GRIA2: variants seen among roughly 807,000 people sequenced by gnomAD.
GRIA2 encodes the protein glutamate receptor 2.
GRIA2 carries 14 observed loss-of-function variants against 97.3 expected under a neutral mutation model. That is an observed-to-expected ratio of 0.14 (90% CI 0.10 to 0.23). The LOEUF (loss-of-function observed/expected upper bound fraction) is 0.23. GRIA2 is among the 10% of genes least tolerant of loss of function. The pLI is 1.00. For synonymous variants in GRIA2, 412 were observed against 387.8 expected, an observed-to-expected ratio of 1.06 and a Z score of -0.73; for missense variants, 558 against 1,069.8, an observed-to-expected ratio of 0.52 and a Z score of 6.67.
intron 2 of GRIA2, among the ~76,000 whole-genome samples, chr4:157,241,007 A>G (rs113761578): frequency 0.033 from 5,066 of 151,954 alleles, 123 homozygotes; most frequent in Middle Eastern, 0.13. Flanking sequence ...ATGATTTCCA[A>G]TTTCATCCAT....
At position 157,361,740 on chromosome 4, in the gene GRIA2, TC is replaced by T; in HGVS notation, c.2406+617del. Reference sequence around the variant, plus strand: ...CAAGTGTGTTAGTGGGAATGACCCATCTTAAATAGAATGTAAATGCAAATAT... The same window carrying T: ...CAAGTGTGTTAGTGGGAATGACCCATTTAAATAGAATGTAAATGCAAATAT... On this transcript the variant is annotated intron_variant, in intron 14 of 15. Coordinates refer to ENST00000264426, the MANE Select transcript of GRIA2 (RefSeq NM_001083619.3). This position sits in a 1 kb window ranked among gnomAD's most constrained non-coding sequence, Gnocchi z 5.2. The T allele has an allele frequency of 1.2e-6, 1 of 868,020 alleles. No individual in the cohort carries two copies. 53.8% of individuals were successfully genotyped at this position (868,020 alleles called of 1,614,324 possible).
chr4:157,363,495 G>T lies in GRIA2; in HGVS notation c.*64G>T. On this transcript the variant is annotated 3_prime_UTR_variant, in exon 16 of 16. Transcript: ENST00000264426. ...GCTGTCAATTACAGGAAGTACTGGAGAAAATGGACGTGTTATGACTCCAGA... is the reference window on the plus strand; with the variant it reads ...GCTGTCAATTACAGGAAGTACTGGATAAAATGGACGTGTTATGACTCCAGA... 1 of 1,239,750 alleles carries T rather than the reference G, an allele frequency of 8.1e-7. No homozygotes were observed. The highest frequency in any genetic ancestry group is 1.0e-6 in the Non-Finnish European group (1 of 990,758). The allele number at this position is 1,239,750 out of a possible 1,614,324, so 76.8% of individuals were successfully genotyped here. A position where few individuals can be genotyped will look rare whatever the true frequency, so the allele number is the denominator to read the frequency against.
At chr4:157,283,205 T>C (rs1732687787) in intron 2 of GRIA2, among the ~76,000 whole-genome samples, 1 of 152,028 alleles carries the variant, frequency 6.6e-6, no homozygotes, top group African/African-American at 2.4e-5. Flanking sequence ...GAGAATGCTA[T>C]GTTGATTTAA....
chr4:157,237,142 A>G (rs886902367), intron 2 of GRIA2, among the ~76,000 whole-genome samples: 1 of 152,018 alleles, frequency 6.6e-6, no homozygotes, highest in Non-Finnish European at 1.5e-5. Context: ...TTTTGGTATT[A>G]TGTTTCCAGA....
chr4:157,354,702 C>CA (rs1736169923), intron 12 of GRIA2, among the ~76,000 whole-genome samples: 1 of 152,058 alleles, frequency 6.6e-6, no homozygotes, highest in Non-Finnish European at 1.5e-5. Flanking sequence ...GTTATAGCAG[C>CA]AAAAATGAAG....
intron 6 of GRIA2, among the ~76,000 whole-genome samples, chr4:157,323,899 C>A (rs2126912029): frequency 6.6e-6 from 1 of 152,164 alleles, no homozygotes; most frequent in African/African-American, 2.4e-5. Flanking sequence ...TGGCTTCTGC[C>A]CATTTTCAGA....
intron 2 of GRIA2, among the ~76,000 whole-genome samples, chr4:157,275,948 C>T (rs916750201): frequency 6.6e-6 from 1 of 152,080 alleles, no homozygotes; most frequent in Admixed American, 6.6e-5. Flanking sequence ...TATTAATTAC[C>T]TTGGGCAGTA....
chr4:157,348,325 C>T (rs535541435), intron 12 of GRIA2, among the ~76,000 whole-genome samples: 1 of 152,054 alleles, frequency 6.6e-6, no homozygotes, highest in Non-Finnish European at 1.5e-5. Context: ...GGTAATGGCT[C>T]GCTGCAACCT....
intron 12 of GRIA2, among the ~76,000 whole-genome samples, chr4:157,353,498 G>A (rs562396711): frequency 8.0e-5 from 12 of 150,846 alleles, no homozygotes; most frequent in Middle Eastern, 3.4e-3. Context: ...ATGAAACCCC[G>A]TCTCTAATAA....
intron 2 of GRIA2, among the ~76,000 whole-genome samples, chr4:157,302,731 T>G (rs1026362924): frequency 6.6e-6 from 1 of 152,104 alleles, no homozygotes; most frequent in Non-Finnish European, 1.5e-5. Flanking sequence ...TATTTGAGTA[T>G]ATCGAGGTAT....
intron 6 of GRIA2, among the ~76,000 whole-genome samples, chr4:157,331,979 C>T (rs756411990): frequency 6.6e-6 from 1 of 152,006 alleles, no homozygotes; most frequent in Non-Finnish European, 1.5e-5. Flanking sequence ...TTAGTACCTA[C>T]AGATTGAAAA....
chr4:157,268,545 CT>C (rs1490624405), intron 2 of GRIA2, among the ~76,000 whole-genome samples: 1 of 151,824 alleles, frequency 6.6e-6, no homozygotes, highest in Non-Finnish European at 1.5e-5. Context: ...TACCAAGATA[CT>C]GTATTATTAG....
chr4:157,322,371 A>T (rs979150811), intron 6 of GRIA2, among the ~76,000 whole-genome samples: 2 of 152,020 alleles, frequency 1.3e-5, no homozygotes, highest in Non-Finnish European at 2.9e-5. Context: ...TTAAAACATA[A>T]CTGTAATGCT....
intron 2 of GRIA2, among the ~76,000 whole-genome samples, chr4:157,240,341 A>G (rs528089723): frequency 1.3e-4 from 20 of 152,266 alleles, no homozygotes; most frequent in African/African-American, 4.8e-4. Flanking sequence ...AATATCAATT[A>G]TGTTCTAATT....
rs1440231332 is a variant in GRIA2, at chr4:157,365,053, A to G, written c.*1622A>G. The G allele has an allele frequency of 1.3e-5, 2 of 151,744 alleles. No homozygotes were observed. The highest frequency in any genetic ancestry group is 2.1e-4 in the South Asian group (1 of 4,824). The allele number at this position is 151,744 out of a possible 1,614,324, so 9.4% of individuals were successfully genotyped here. On this transcript the variant is annotated 3_prime_UTR_variant, in exon 16 of 16. Transcript: ENST00000264426. ...TTGACATCCAATAGTTATTTTTAAT[A>G]TTTGTATTCTTGTTATTTCTGGAAG... is the stretch of plus-strand genomic sequence containing the variant.
intron 12 of GRIA2, among the ~76,000 whole-genome samples, chr4:157,343,397 T>C (rs1333556202): frequency 6.6e-6 from 1 of 152,090 alleles, no homozygotes; most frequent in Non-Finnish European, 1.5e-5. Flanking sequence ...ATAAGTATGC[T>C]GAGGTCTTTT....
intron 2 of GRIA2, among the ~76,000 whole-genome samples, chr4:157,245,384 A>T (rs1217385242): frequency 6.6e-6 from 1 of 152,092 alleles, no homozygotes; most frequent in Non-Finnish European, 1.5e-5. Context: ...GTGATAATAG[A>T]CTTGGAGTTA....
chr4:157,322,118 T>C (rs1414089529), intron 6 of GRIA2, among the ~76,000 whole-genome samples: 3 of 151,956 alleles, frequency 2.0e-5, no homozygotes, highest in African/African-American at 7.3e-5. Flanking sequence ...TAAAGAACAA[T>C]AGGTGTCAGT....
chr4:157,332,458 TGTTA>T (rs1304685061), intron 6 of GRIA2, among the ~76,000 whole-genome samples: 1 of 151,806 alleles, frequency 6.6e-6, no homozygotes, highest in Non-Finnish European at 1.5e-5. Flanking sequence ...AAATATTAAT[TGTTA>T]GTCTTATAGT....
Sources: allele counts gnomAD v4.1 joint callset (sites outside exome capture counted in the v4.1 genomes callset), GRCh38; gene constraint gnomAD v4.1.1; non-coding constraint Gnocchi (gnomAD v3.1); transcripts MANE v1.5; gene names NCBI Gene and HGNC (gene_info 2026-07-23, HGNC 2026-07-21).